KIF2A: variants seen among roughly 807,000 people sequenced by gnomAD.
The protein encoded by KIF2A is kinesin family member 2A.
KIF2A carries 22 observed loss-of-function variants against 100.2 expected under a neutral mutation model. That is an observed-to-expected ratio of 0.22 (90% confidence interval 0.16 to 0.31). The LOEUF (loss-of-function observed/expected upper bound fraction) is 0.31. Ranked by LOEUF, KIF2A falls within the 10% of genes least tolerant of loss-of-function variation. KIF2A has a pLI of 1.00. For missense variants in KIF2A, 495 were observed against 898.7 expected (o/e 0.55, Z 5.74); for synonymous variants, 268 against 285.9 (o/e 0.94, Z 0.63).
At chr5:62,372,825 A>G (rs1741380838) in intron 17 of KIF2A, among the ~76,000 whole-genome samples, 1 of 152,194 alleles carries the variant, frequency 6.6e-6, no homozygotes, top group East Asian at 1.9e-4. Flanking sequence ...TAAAATTACC[A>G]TACTTACCAT....
At chr5:62,337,237 A>G (rs866985832) in intron 1 of KIF2A, among the ~76,000 whole-genome samples, 20 of 152,320 alleles carry the variant, frequency 1.3e-4, no homozygotes, top group South Asian at 6.2e-4. Context: ...CATGGCTGCA[A>G]TCCCAGCACA....
At chr5:62,332,152 A>C (rs1341319357) in intron 1 of KIF2A, among the ~76,000 whole-genome samples, 1 of 152,240 alleles carries the variant, frequency 6.6e-6, no homozygotes, top group African/African-American at 2.4e-5. Context: ...TCAGAGACCA[A>C]AAGGCAATTG....
chr5:62,327,493 A>G (rs1746436308), intron 1 of KIF2A, among the ~76,000 whole-genome samples: 1 of 152,158 alleles, frequency 6.6e-6, no homozygotes, highest in Non-Finnish European at 1.5e-5. Flanking sequence ...GACAATCCCC[A>G]AGCTTTTTTC....
At chr5:62,363,567 C>A in intron 13 of KIF2A, 128 bp from the exon 14 acceptor site, 2 of 812,480 alleles carry the variant, frequency 2.5e-6, no homozygotes, top group South Asian at 1.8e-5. Flanking sequence ...AGTGTCTCAT[C>A]TGTATTTAAA....
At chr5:62,353,180 T>C (rs1386823732) in intron 5 of KIF2A, 95 bp from the exon 6 acceptor site, 2 of 606,794 alleles carry the variant, frequency 3.3e-6, no homozygotes, top group African/African-American at 1.9e-5. Flanking sequence ...TGTGTACCTT[T>C]TATGTGTGTG....
At chr5:62,327,907 C>T (rs1351811376) in intron 1 of KIF2A, among the ~76,000 whole-genome samples, 1 of 152,128 alleles carries the variant, frequency 6.6e-6, no homozygotes, top group African/African-American at 2.4e-5. Flanking sequence ...AGATCCCTGT[C>T]TCGTTAGGAT....
Position 62,355,243 on chromosome 5 carries a change from A to G in KIF2A, c.643A>G (p.Thr215Ala), listed in dbSNP as rs1319399388. 3 of 1,508,878 alleles carry G rather than the reference A, an allele frequency of 2.0e-6. No homozygotes were observed. Among genetic ancestry groups the G allele is most frequent in the Admixed American group, 3.4e-5 (2 of 58,288 alleles). The allele number at this position is 1,508,878 out of a possible 1,614,324, so 93.5% of individuals were successfully genotyped here. Residue 215 changes from threonine (T) to alanine (A), a missense_variant, in exon 7 of 21, where the codon ACA becomes GCA. Around this residue, in one of 10 missense-constraint regions of KIF2A, gnomAD observed 109 missense variants for 244.2 expected, o/e 0.45. Coordinates refer to ENST00000407818, the MANE Select transcript of KIF2A (RefSeq NM_001098511.3). ...RGSLDYRPLT[T>A]ADPIDEHRIC... ...AAGTTTGGATTATAGACCATTAACA[A>G]CAGCAGATCCTGTAAGATTCTTTGT...
At chr5:62,372,321 AC>A (rs1263701060) in intron 16 of KIF2A, 116 bp from the exon 17 acceptor site, 1 of 657,506 alleles carries the variant, frequency 1.5e-6, no homozygotes, top group South Asian at 1.8e-5. Flanking sequence ...ATACATTGTC[AC>A]AACAATATCA....
intron 1 of KIF2A, among the ~76,000 whole-genome samples, chr5:62,311,275 C>T (rs2111770140): frequency 6.6e-6 from 1 of 152,256 alleles, no homozygotes; most frequent in Non-Finnish European, 1.5e-5. Flanking sequence ...CCGCTTTTTA[C>T]AGCCCAGTCA....
At chr5:62,345,490 A>AAAAAAAG (rs576629531) in intron 1 of KIF2A, among the ~76,000 whole-genome samples, 2 of 147,864 alleles carry the variant, frequency 1.4e-5, no homozygotes, top group Non-Finnish European at 3.0e-5. Flanking sequence ...TCAAAAAAAA[A>AAAAAAAG]AAAAGAAAAG....
chr5:62,355,557 CTG>C (rs1291751064), intron 7 of KIF2A, among the ~76,000 whole-genome samples: 1 of 152,196 alleles, frequency 6.6e-6, no homozygotes, highest in Non-Finnish European at 1.5e-5. Context: ...TCCTTTCTGA[CTG>C]TGAGTTATAC....
At chr5:62,321,664 C>A (rs1261143692) in intron 1 of KIF2A, among the ~76,000 whole-genome samples, 1 of 151,766 alleles carries the variant, frequency 6.6e-6, no homozygotes, top group African/African-American at 2.4e-5. Flanking sequence ...CTGGGCTCAA[C>A]TGATCCTCCC....
intron 1 of KIF2A, among the ~76,000 whole-genome samples, chr5:62,341,323 G>A (rs1216550556): frequency 6.6e-6 from 1 of 150,382 alleles, no homozygotes; most frequent in African/African-American, 2.5e-5. Context: ...TTTTTTTGGA[G>A]ACAGGATCTC....
At chr5:62,324,207 A>G (rs182992260) in intron 1 of KIF2A, among the ~76,000 whole-genome samples, 16 of 152,324 alleles carry the variant, frequency 1.1e-4, no homozygotes, top group Non-Finnish European at 2.9e-5. Flanking sequence ...GCTGAAATAA[A>G]TCTGAGATGA....
chr5:62,368,303 A>G (rs1741173077), intron 16 of KIF2A, among the ~76,000 whole-genome samples: 1 of 151,746 alleles, frequency 6.6e-6, no homozygotes, highest in African/African-American at 2.4e-5. Context: ...TTTACTATGA[A>G]TCTATTTCTG....
Position 62,350,285 on chromosome 5 carries a change from G to GT in KIF2A, c.334+175dup, listed in dbSNP as rs111497473. ...GTTTTGTTTTGTTTTTTGTTTTTTG[G>GT]TTTTTTTTTTGAGACAGGGTCTTGC... On this transcript the variant is annotated intron_variant, in intron 4 of 20. Coordinates refer to ENST00000407818, the MANE Select transcript of KIF2A (RefSeq NM_001098511.3). Among the ~76,000 whole-genome samples the GT allele has an allele frequency of 0.016, 2,387 of 146,608 alleles. 64 individuals are homozygous for GT. Among genetic ancestry groups the GT allele is most frequent in the African/African-American group, 0.056 (2,242 of 40,142 alleles).
rs535593673 is a variant in KIF2A at position 62,362,173 on chromosome 5, A to G, written c.1028-277A>G. 8.6e-5 allele frequency among the ~76,000 whole-genome samples: 13 copies of G among 151,572 alleles called. No individual in the cohort carries two copies. In the East Asian group the frequency reaches 2.5e-3, roughly 29 times the overall value. ...TGTAAAAAGCTACTAGCTATGGTAT[A>G]AGAATAACCTCATTATGACCACCTA... On this transcript the variant is annotated intron_variant, in intron 11 of 20. Transcript: ENST00000407818.
At position 62,306,372 on chromosome 5, in the gene KIF2A, G is replaced by C. The variant is rs1007897986; in HGVS notation, c.-101G>C. On this transcript the variant is annotated 5_prime_UTR_variant, in exon 1 of 21. Transcript: ENST00000407818. ...CTGTCGCCCGGGCCGGCGCGGCCGC[G>C]GGCAACCGCTCCCCCTCCCACACCT... 6.2e-6 allele frequency: 6 copies of C among 965,360 alleles called. No homozygotes were observed. The highest frequency in any genetic ancestry group is 9.4e-6 in the Non-Finnish European group (6 of 637,730). 59.8% of individuals were successfully genotyped at this position (965,360 alleles called of 1,614,324 possible).
chr5:62,350,927 ATTTTT>A (rs1747821550), intron 4 of KIF2A, among the ~76,000 whole-genome samples: 1 of 149,274 alleles, frequency 6.7e-6, no homozygotes, highest in Non-Finnish European at 1.5e-5. Context: ...AAAAAAAAAG[ATTTTT>A]AAAATGTATG....
Sources: gnomAD v4.1 joint callset for allele counts (sites outside exome capture counted in the v4.1 genomes callset) on GRCh38, gnomAD v4.1.1 for gene constraint, gnomAD v4.1.1 regional missense constraint, MANE v1.5 for transcripts, NCBI Gene and HGNC (gene_info 2026-07-23, HGNC 2026-07-21) for gene names.